The following ZBTB37 variants were observed in gnomAD, a reference collection of about 807,000 sequenced individuals.
ZBTB37 encodes the protein zinc finger and BTB domain containing 37, also known as zinc finger and BTB domain-containing protein 37.
In ZBTB37, 15 loss-of-function variants were observed where a neutral mutation model predicts 37.7. The ratio of observed to expected loss-of-function variants is 0.40; its 90% CI spans 0.27 to 0.61. The LOEUF (loss-of-function observed/expected upper bound fraction) is 0.61. ZBTB37 is among the 20% of genes least tolerant of loss of function. The pLI is 0.44. For synonymous variants in ZBTB37, 231 were observed against 220.6 expected, an observed-to-expected ratio of 1.05 and a Z score of -0.42; for missense variants, 514 against 641.9, an observed-to-expected ratio of 0.80 and a Z score of 2.15.
chr1:173,896,326 C>G (rs1270232288), exon 4 of ZBTB37: 1 of 152,166 alleles, frequency 6.6e-6, no homozygotes, highest in African/African-American at 2.4e-5. Flanking sequence ...CACATTTCCA[C>G]TCTGGTATAA....
intron 4 of ZBTB37, among the ~76,000 whole-genome samples, chr1:173,877,487 T>TC (rs1289335469): frequency 6.7e-6 from 1 of 149,852 alleles, no homozygotes. Flanking sequence ...GCTCAAGCAG[T>TC]CCCCTCACCT....
exon 4 of ZBTB37, chr1:173,892,998 G>A (rs1393453912): frequency 6.6e-6 from 1 of 152,212 alleles, no homozygotes; most frequent in African/African-American, 2.4e-5. Context: ...CACCTCCTTG[G>A]TTCAAGCAAT....
intron 1 of ZBTB37, chr1:173,868,667 C>G (rs983795897): frequency 2.0e-5 from 3 of 152,858 alleles, no homozygotes; most frequent in African/African-American, 7.2e-5. Flanking sequence ...GGGACACACC[C>G]AGATACGCAC....
At chr1:173,880,015 A>G (rs569850293) in intron 4 of ZBTB37, among the ~76,000 whole-genome samples, 1 of 152,186 alleles carries the variant, frequency 6.6e-6, no homozygotes, top group African/African-American at 2.4e-5. Flanking sequence ...GCAATCACCA[A>G]CTCTGAAGTC....
downstream of ZBTB37, chr1:173,887,943 A>C (rs1209118903): frequency 1.3e-5 from 2 of 151,936 alleles, no homozygotes; most frequent in African/African-American, 4.8e-5. Flanking sequence ...GATCTTAAGC[A>C]ATCTGAGAAT....
chr1:173,898,113 TTG>T (rs1557897302), exon 4 of ZBTB37: 1 of 152,014 alleles, frequency 6.6e-6, no homozygotes, highest in African/African-American at 2.4e-5. Context: ...TTCTTTTTTT[TTG>T]GGGGGCAGGG....
chr1:173,874,391 G>A (rs1655785603), intron 4 of ZBTB37, among the ~76,000 whole-genome samples: 1 of 150,758 alleles, frequency 6.6e-6, no homozygotes, highest in Non-Finnish European at 1.5e-5. Flanking sequence ...GCCCAGGCTG[G>A]AGTGCATGGA....
intron 4 of ZBTB37, among the ~76,000 whole-genome samples, chr1:173,882,476 A>G (rs932513729): frequency 3.3e-5 from 5 of 151,874 alleles, no homozygotes; most frequent in African/African-American, 1.2e-4. Context: ...TGCTGACCTC[A>G]TGATTCGCCC....
At position 173,870,707 on chromosome 1, in the gene ZBTB37, G is replaced by A. The variant is rs770244691; in HGVS notation, c.482G>A (p.Arg161His). The change falls in exon 3 of 5, where the codon CGC becomes CAC. Residue 161 changes from arginine to histidine, a missense_variant. Transcript: ENST00000427304. ...CACAGGGTTACACCAAATCTCAACCGCTCCCTTAGCCCACGACATAATACC... is the reference window on the plus strand; with the variant it reads ...CACAGGGTTACACCAAATCTCAACCACTCCCTTAGCCCACGACATAATACC... The A allele has an allele frequency of 5.0e-6, 8 of 1,614,002 alleles. No homozygotes were observed. Among genetic ancestry groups the A allele is most frequent in the Non-Finnish European group, 5.9e-6 (7 of 1,180,032 alleles).
intron 2 of ZBTB37, among the ~76,000 whole-genome samples, chr1:173,869,799 C>G (rs1655406272): frequency 6.6e-6 from 1 of 152,166 alleles, no homozygotes; most frequent in Non-Finnish European, 1.5e-5. Flanking sequence ...TGCATTTATT[C>G]AGAAAGCTTT....
At chr1:173,882,076 A>G (rs553047792) in intron 4 of ZBTB37, among the ~76,000 whole-genome samples, 4 of 151,786 alleles carry the variant, frequency 2.6e-5, no homozygotes, top group Admixed American at 6.6e-5. Flanking sequence ...AGAAGTATCT[A>G]TTCATATCCT....
intron 3 of ZBTB37, among the ~76,000 whole-genome samples, chr1:173,871,802 T>A (rs749709353): frequency 8.5e-5 from 13 of 152,368 alleles, no homozygotes; most frequent in Non-Finnish European, 1.9e-4. Flanking sequence ...TGCCTCACTT[T>A]TCTCTTTTAA....
chr1:173,885,245 CAGAT>C (rs1438426217), intron 4 of ZBTB37, among the ~76,000 whole-genome samples: 3 of 152,232 alleles, frequency 2.0e-5, no homozygotes, highest in Admixed American at 1.3e-4. Context: ...AAAACAAAAA[CAGAT>C]AGTTCTGTTA....
chr1:173,896,548 T>C (rs1657055654), exon 4 of ZBTB37: 1 of 152,224 alleles, frequency 6.6e-6, no homozygotes, highest in African/African-American at 2.4e-5. Context: ...AAATAATTCT[T>C]AAATGTGGTC....
intron 4 of ZBTB37, among the ~76,000 whole-genome samples, chr1:173,875,365 A>C (rs1352275460): frequency 6.8e-6 from 1 of 146,180 alleles, no homozygotes; most frequent in Non-Finnish European, 1.5e-5. Flanking sequence ...TTGCTCTGTC[A>C]CCCAGGCTGG....
intron 3 of ZBTB37, among the ~76,000 whole-genome samples, chr1:173,871,913 G>T (rs1655591295): frequency 6.6e-6 from 1 of 151,966 alleles, no homozygotes; most frequent in Non-Finnish European, 1.5e-5. Context: ...AATTTAGATT[G>T]GTAATATTTG....
At chr1:173,894,095 A>C (rs1045634916) in exon 4 of ZBTB37, 2 of 152,226 alleles carry the variant, frequency 1.3e-5, no homozygotes, top group Non-Finnish European at 2.9e-5. Flanking sequence ...GATGCAGTTG[A>C]TCTCTGAGCA....
At chr1:173,876,870 C>T (rs115803832) in intron 4 of ZBTB37, among the ~76,000 whole-genome samples, 104 of 152,106 alleles carry the variant, frequency 6.8e-4, no homozygotes, top group African/African-American at 2.3e-3. Flanking sequence ...AAATGCTAGA[C>T]CATTTTGTCA....
chr1:173,889,779 T>C (rs1656772019), downstream of ZBTB37: 1 of 152,174 alleles, frequency 6.6e-6, no homozygotes, highest in South Asian at 2.1e-4. Context: ...TAATAGAGGG[T>C]TAAATCTAAT....
Sources: gnomAD v4.1 joint callset for allele counts (sites outside exome capture counted in the v4.1 genomes callset) on GRCh38, gnomAD v4.1.1 for gene constraint, MANE v1.5 for transcripts, NCBI Gene and HGNC (gene_info 2026-07-23, HGNC 2026-07-21) for gene names.